The following MACROD2 variants were observed in gnomAD, a reference collection of about 807,000 sequenced individuals.
MACROD2 encodes the protein mono-ADP ribosylhydrolase 2, also known as ADP-ribose glycohydrolase MACROD2.
Under a neutral mutation model 70.4 loss-of-function variants are expected in MACROD2, and 36 were observed. That is an observed-to-expected ratio of 0.51 (90% CI 0.39 to 0.68). The LOEUF is 0.68. MACROD2 is among the 30% of genes least tolerant of loss of function. The pLI is 0.00. For synonymous variants in MACROD2, 172 were observed against 178.8 expected (o/e 0.96, Z 0.30); for missense variants, 496 against 538.4 (o/e 0.92, Z 0.78).
At chr20:15,084,606 T>C (rs551132380) in intron 5 of MACROD2, among the ~76,000 whole-genome samples, 1 of 152,340 alleles carries the variant, frequency 6.6e-6, no homozygotes, top group South Asian at 2.1e-4. Flanking sequence ...ACTCTTTCTG[T>C]CATGTTGAGG....
chr20:15,860,302 G>A (rs533025940), intron 8 of MACROD2, among the ~76,000 whole-genome samples: 2 of 152,242 alleles, frequency 1.3e-5, no homozygotes, highest in African/African-American at 4.8e-5. Flanking sequence ...TTTTAAGTAT[G>A]GGGGAAATGT....
intron 3 of MACROD2, among the ~76,000 whole-genome samples, chr20:14,196,870 GTTTCCT>G (rs1462065326): frequency 2.6e-5 from 4 of 152,234 alleles, no homozygotes; most frequent in Non-Finnish European, 4.4e-5. Context: ...ACTGATTTGA[GTTTCCT>G]ATCTCCAAAG....
At chr20:15,553,418 G>T (rs1442037603) in intron 8 of MACROD2, among the ~76,000 whole-genome samples, 1 of 152,036 alleles carries the variant, frequency 6.6e-6, no homozygotes, top group African/African-American at 2.4e-5. Flanking sequence ...CATATGATGG[G>T]TATTTGTTTG....
At chr20:15,457,076 A>T (rs561227613) in intron 7 of MACROD2, among the ~76,000 whole-genome samples, 102 of 128,186 alleles carry the variant, frequency 8.0e-4, no homozygotes, top group Middle Eastern at 3.9e-3. Context: ...TTTTTTTTTT[A>T]AAAAAAAAGC....
intron 6 of MACROD2, among the ~76,000 whole-genome samples, chr20:15,327,372 CT>C (rs1374272353): frequency 1.3e-5 from 2 of 152,184 alleles, no homozygotes; most frequent in East Asian, 1.9e-4. Context: ...CATTCTCATG[CT>C]GCTAATAAAG....
intron 8 of MACROD2, among the ~76,000 whole-genome samples, chr20:15,854,251 A>G (rs769628666): frequency 3.9e-5 from 6 of 152,180 alleles, no homozygotes; most frequent in African/African-American, 7.2e-5. Flanking sequence ...TGGGAGGTAG[A>G]GAAAGTGATA....
chr20:14,361,549 A>G (rs868427574), intron 3 of MACROD2, among the ~76,000 whole-genome samples: 17 of 152,200 alleles, frequency 1.1e-4, no homozygotes, highest in African/African-American at 4.1e-4. Context: ...ATACATGTTT[A>G]AAGATAAAAG....
At chr20:14,774,908 TC>T (rs1398121673) in intron 5 of MACROD2, among the ~76,000 whole-genome samples, 1 of 152,102 alleles carries the variant, frequency 6.6e-6, no homozygotes, top group Admixed American at 6.6e-5. Flanking sequence ...TCACAGTTAT[TC>T]TTTTCTGTAA....
At chr20:14,320,932 C>T (rs2082654162) in intron 3 of MACROD2, among the ~76,000 whole-genome samples, 1 of 152,186 alleles carries the variant, frequency 6.6e-6, no homozygotes, top group South Asian at 2.1e-4. Context: ...CTATCTCCTT[C>T]ATGAGGTCTT....
At chr20:14,934,456 G>A (rs1000299161) in intron 5 of MACROD2, among the ~76,000 whole-genome samples, 8 of 152,094 alleles carry the variant, frequency 5.3e-5, no homozygotes, top group Admixed American at 3.3e-4. Context: ...TGTGGTCTCA[G>A]CAAAAACAAC....
chr20:14,743,687 T>TA (rs35787718), intron 5 of MACROD2, among the ~76,000 whole-genome samples: 21,422 of 152,184 alleles, frequency 0.14, 2,013 homozygotes, highest in South Asian at 0.37. Context: ...AGAAAATTAA[T>TA]ACACGCGATA....
chr20:14,868,024 C>T (rs1308088098), intron 5 of MACROD2, among the ~76,000 whole-genome samples: 1 of 152,010 alleles, frequency 6.6e-6, no homozygotes, highest in Non-Finnish European at 1.5e-5. Flanking sequence ...AAATATAAAA[C>T]AGGAAACACA....
chr20:16,002,232 A>G (rs1054744504), intron 15 of MACROD2, among the ~76,000 whole-genome samples: 3 of 152,160 alleles, frequency 2.0e-5, no homozygotes, highest in Non-Finnish European at 2.9e-5. Context: ...CCAGTCACCA[A>G]ATAAAATGTG....
At chr20:14,010,131 G>A (rs752081564) in intron 2 of MACROD2, among the ~76,000 whole-genome samples, 1 of 152,038 alleles carries the variant, frequency 6.6e-6, no homozygotes. Flanking sequence ...GAACTTAAAT[G>A]AAAGTTGGAA....
At chr20:14,742,105 T>G (rs1318636150) in intron 5 of MACROD2, among the ~76,000 whole-genome samples, 1 of 152,164 alleles carries the variant, frequency 6.6e-6, no homozygotes, top group Non-Finnish European at 1.5e-5. Context: ...TGCTCAATCA[T>G]TTGAATAAAG....
intron 8 of MACROD2, among the ~76,000 whole-genome samples, chr20:15,777,915 T>A (rs2051760568): frequency 6.6e-6 from 1 of 152,138 alleles, no homozygotes. Context: ...CCTCCCAAAG[T>A]GCTGGGATTA....
At chr20:14,087,960 GAT>G (rs1302747950) in intron 3 of MACROD2, among the ~76,000 whole-genome samples, 3 of 151,384 alleles carry the variant, frequency 2.0e-5, no homozygotes, top group African/African-American at 7.3e-5. Flanking sequence ...ATAAATAAAA[GAT>G]ATATATACAC....
chr20:15,020,959 G>A (rs1395539117), intron 5 of MACROD2, among the ~76,000 whole-genome samples: 1 of 148,846 alleles, frequency 6.7e-6, no homozygotes, highest in Non-Finnish European at 1.5e-5. Context: ...ACATATATAT[G>A]TAATGTGTGT....
intron 5 of MACROD2, among the ~76,000 whole-genome samples, chr20:15,019,173 G>C (rs184984160): frequency 6.6e-6 from 1 of 151,924 alleles, no homozygotes; most frequent in Non-Finnish European, 1.5e-5. Flanking sequence ...ACGCGCGCGC[G>C]CGCGCGGAGA....
Sources: gnomAD v4.1 joint callset for allele counts (sites outside exome capture counted in the v4.1 genomes callset) on GRCh38, gnomAD v4.1.1 for gene constraint, MANE v1.5 for transcripts, NCBI Gene and HGNC (gene_info 2026-07-23, HGNC 2026-07-21) for gene names.